The following KATNIP variants were observed in gnomAD, a reference collection of about 807,000 sequenced individuals.
KATNIP encodes katanin-interacting protein.
In KATNIP, 126 loss-of-function variants were observed where a neutral mutation model predicts 174.0. The ratio of observed to expected loss-of-function variants is 0.72; its 90% CI spans 0.63 to 0.84. The LOEUF (loss-of-function observed/expected upper bound fraction) is 0.84, where lower values mean the gene tolerates loss of function less well. Ranked by LOEUF, KATNIP falls within the 40% of genes least tolerant of loss-of-function variation. The probability of loss-of-function intolerance (pLI) is 0.00; values close to 1 mark genes in which losing one functional copy is unlikely to be tolerated. For missense variants in KATNIP, 1,958 were observed against 2,109.7 expected (o/e 0.93, Z 1.41); for synonymous variants, 810 against 835.7 (o/e 0.97, Z 0.53).
intron 8 of KATNIP, among the ~76,000 whole-genome samples, chr16:27,694,811 A>AATT (rs1567309218): frequency 2.2e-4 from 34 of 151,788 alleles, no homozygotes; most frequent in African/African-American, 8.2e-4. Flanking sequence ...ATAAATAAAT[A>AATT]AATAAATAAA....
chr16:27,616,682 G>A (rs541374090), intron 2 of KATNIP, among the ~76,000 whole-genome samples: 8 of 151,638 alleles, frequency 5.3e-5, no homozygotes, highest in Non-Finnish European at 7.4e-5. Flanking sequence ...AGCTGAGATC[G>A]CGCCACTGCA....
chr16:27,632,695 CAGG>C, intron 5 of KATNIP: 1 of 450,070 alleles, frequency 2.2e-6, no homozygotes, highest in Non-Finnish European at 4.5e-6. Context: ...GGAGGGGCAG[CAGG>C]CTGTTGGTTG....
chr16:27,760,189 C>T (rs2081899109), intron 18 of KATNIP, among the ~76,000 whole-genome samples: 1 of 152,158 alleles, frequency 6.6e-6, no homozygotes, highest in African/African-American at 2.4e-5. Context: ...CTTCCTTCTG[C>T]CTGCTCTGTG....
intron 2 of KATNIP, 48 bp from the exon 3 acceptor site, chr16:27,618,377 G>A (rs1439392650): frequency 2.8e-6 from 4 of 1,443,982 alleles, no homozygotes; most frequent in Non-Finnish European, 3.9e-6. Flanking sequence ...CTCTCAGTCA[G>A]TGCTTCCCTG....
At chr16:27,632,508 G>T (rs969369626) in intron 5 of KATNIP, 1 of 428,560 alleles carries the variant, frequency 2.3e-6, no homozygotes, top group Non-Finnish European at 4.9e-6. Flanking sequence ...AGGATCTGAG[G>T]GTGGAGGTTT....
At chr16:27,569,699 C>T (rs1317135301) in intron 1 of KATNIP, among the ~76,000 whole-genome samples, 2 of 152,188 alleles carry the variant, frequency 1.3e-5, no homozygotes, top group Non-Finnish European at 2.9e-5. Context: ...GCTGTCTTCG[C>T]ATCGAGCTAA....
At chr16:27,572,509 G>T (rs1407745136) in intron 1 of KATNIP, among the ~76,000 whole-genome samples, 2 of 152,030 alleles carry the variant, frequency 1.3e-5, no homozygotes, top group African/African-American at 4.8e-5. Context: ...AACTCAGCAT[G>T]ACAGCTCACA....
At chr16:27,566,022 G>GTT (rs200468514) in intron 1 of KATNIP, among the ~76,000 whole-genome samples, 20 of 131,630 alleles carry the variant, frequency 1.5e-4, no homozygotes, top group East Asian at 6.6e-4. Flanking sequence ...ACCAGCAGCT[G>GTT]TTTTTTTTTT....
rs142376528 is a variant in KATNIP, at chr16:27,607,490, C to T, written c.64-10935C>T. Among the ~76,000 whole-genome samples, 1,319 of 152,258 alleles carry T rather than the reference C, an allele frequency of 8.7e-3. 8 individuals carry two copies. Among genetic ancestry groups the T allele is most frequent in the Non-Finnish European group, 0.016 (1,070 of 68,020 alleles). The stretch of plus-strand genomic sequence containing the variant: ...GTAACTTCAAGCATTAGCTTGTCAC[C>T]CATAACTCATCCCTTAGTTAGGGTG... On this transcript the variant is annotated intron_variant, in intron 2 of 27. Coordinates refer to ENST00000261588, the MANE Select transcript of KATNIP (RefSeq NM_015202.5).
intron 2 of KATNIP, among the ~76,000 whole-genome samples, chr16:27,603,038 A>T (rs2075583219): frequency 6.6e-6 from 1 of 152,178 alleles, no homozygotes; most frequent in South Asian, 2.1e-4. Context: ...GTGAGCAAGG[A>T]GCTAGGGTCT....
At chr16:27,641,263 C>T (rs1198544437) in intron 5 of KATNIP, among the ~76,000 whole-genome samples, 2 of 152,100 alleles carry the variant, frequency 1.3e-5, no homozygotes, top group Non-Finnish European at 2.9e-5. Context: ...ATCTTAAGTT[C>T]AGGCACGTTT....
rs2081439365 is a variant in KATNIP, at chr16:27,749,997, G to A, written c.3037G>A (p.Ala1013Thr). The A allele has an allele frequency of 6.2e-7, 1 of 1,614,030 alleles. No homozygotes were observed. Among genetic ancestry groups the A allele is most frequent in the Non-Finnish European group, 8.5e-7 (1 of 1,180,026 alleles). The change falls in exon 16 of 28, where the codon GCA becomes ACA. Residue 1013 changes from alanine (A) to threonine (T), a missense_variant. Transcript: ENST00000261588. ...ACCGGTGCAGATTTCAAACATAAAA[G>A]CAGACCCTCCCGATATCAATATTTT... is the stretch of plus-strand genomic sequence containing the variant. ...GEPVQISNIK[A>T]DPPDINILPA...
At chr16:27,642,626 C>T (rs547139236) in intron 5 of KATNIP, among the ~76,000 whole-genome samples, 1 of 152,124 alleles carries the variant, frequency 6.6e-6, no homozygotes, top group African/African-American at 2.4e-5. Context: ...GTGCTAAGAC[C>T]GAGTTGATAG....
intron 2 of KATNIP, among the ~76,000 whole-genome samples, chr16:27,596,796 G>A (rs1275215531): frequency 6.6e-6 from 1 of 152,198 alleles, no homozygotes. Context: ...GCCGAGGCAG[G>A]TGGATCACTT....
rs186855188 is a variant in KATNIP at position 27,759,531 on chromosome 16, T to C, written c.3632-1882T>C. Among the ~76,000 whole-genome samples, 633 of 152,348 alleles carry C rather than the reference T, an allele frequency of 4.2e-3. 3 individuals are homozygous for C. Among genetic ancestry groups the C allele is most frequent in the African/African-American group, 0.015 (609 of 41,572 alleles). ...AGTATCTTGGCTGGGCAGCTCTGGG[T>C]GAGCCAGCTTGGTTGGCCTCTACTG... On this transcript the variant is annotated intron_variant, in intron 18 of 27. Coordinates refer to ENST00000261588, the MANE Select transcript of KATNIP (RefSeq NM_015202.5).
intron 1 of KATNIP, among the ~76,000 whole-genome samples, chr16:27,556,798 A>G (rs1228492691): frequency 1.3e-5 from 2 of 152,188 alleles, no homozygotes; most frequent in Non-Finnish European, 2.9e-5. Context: ...ATAAAATAAC[A>G]ATCAAATGCA....
At chr16:27,641,650 C>G (rs1181011313) in intron 5 of KATNIP, among the ~76,000 whole-genome samples, 1 of 152,178 alleles carries the variant, frequency 6.6e-6, no homozygotes, top group African/African-American at 2.4e-5. Flanking sequence ...AAAGCCTTGT[C>G]GATCTCCTGA....
intron 3 of KATNIP, among the ~76,000 whole-genome samples, chr16:27,624,925 A>G (rs935075392): frequency 6.6e-6 from 1 of 152,196 alleles, no homozygotes; most frequent in Non-Finnish European, 1.5e-5. Context: ...AGAATAAACA[A>G]ATACACAGAT....
rs1027667317 is a variant in KATNIP at position 27,637,393 on chromosome 16, G to A, written c.408+6231G>A. Among the ~76,000 whole-genome samples the A allele has an allele frequency of 1.3e-5, 2 of 152,192 alleles. No individual in the cohort carries two copies. Among genetic ancestry groups the A allele is most frequent in the Non-Finnish European group, 2.9e-5 (2 of 68,028 alleles). The stretch of plus-strand genomic sequence containing the variant: ...CCTGGAGCTCATGTTGATGGGGAGC[G>A]GGTGGGGAGGTTGGGAAGGCAAAGG... On this transcript the variant is annotated intron_variant, in intron 5 of 27. Coordinates refer to ENST00000261588, the MANE Select transcript of KATNIP (RefSeq NM_015202.5). The surrounding 1 kb of genome is among the most constrained non-coding windows in gnomAD (Gnocchi z 4.7).
Sources: gnomAD v4.1 joint callset for allele counts (sites outside exome capture counted in the v4.1 genomes callset) on GRCh38, gnomAD v4.1.1 for gene constraint, Gnocchi (gnomAD v3.1) non-coding constraint, MANE v1.5 for transcripts, NCBI Gene and HGNC (gene_info 2026-07-23, HGNC 2026-07-21) for gene names.